The following HS3ST5 variants were observed in gnomAD, a reference collection of about 807,000 sequenced individuals.
HS3ST5 encodes heparan sulfate glucosamine 3-O-sulfotransferase 5.
A neutral mutation model predicts 25.4 loss-of-function variants in HS3ST5; 10 were observed. The observed-to-expected ratio is 0.39, with a 90% confidence interval of 0.24 to 0.67. The LOEUF is 0.67. Among genes scored for constraint, HS3ST5 ranks in the 30% least tolerant of loss-of-function variants. The probability of loss-of-function intolerance (pLI) is 0.44; values close to 1 mark genes in which losing one functional copy is unlikely to be tolerated. For missense variants in HS3ST5, 324 were observed against 420.7 expected, an observed-to-expected ratio of 0.77 and a Z score of 2.01; for synonymous variants, 170 against 162.4, an observed-to-expected ratio of 1.05 and a Z score of -0.36.
rs748104482 is a variant in HS3ST5, at chr6:114,190,491, TA to T, written c.-144-22030del. Among the ~76,000 whole-genome samples the T allele has an allele frequency of 2.0e-4, 30 of 152,278 alleles. No homozygotes were observed. The East Asian group carries it at 3.5e-3, about 18-fold the overall frequency. On this transcript the variant is annotated intron_variant, in intron 2 of 4. Coordinates refer to ENST00000312719, the MANE Select transcript of HS3ST5 (RefSeq NM_153612.4). ...TACATGTGTGTGCCTTTTAAAAAAA[TA>T]AACCCTTTAAAAGTCATTTCACTGG...
chr6:114,199,702 T>G, intron 2 of HS3ST5, among the ~76,000 whole-genome samples: 1 of 152,322 alleles, frequency 6.6e-6, no homozygotes, highest in South Asian at 2.1e-4. Context: ...AAATAATAAA[T>G]ACTTCTTTTT....
intron 4 of HS3ST5, among the ~76,000 whole-genome samples, 166 bp from the exon 5 acceptor site, chr6:114,058,356 G>T (rs1275049025): frequency 6.6e-6 from 1 of 152,226 alleles, no homozygotes; most frequent in Non-Finnish European, 1.5e-5. Flanking sequence ...AAGCAACCAT[G>T]TATTAAATGG....
At chr6:114,121,633 C>G (rs1776790818) in intron 3 of HS3ST5, among the ~76,000 whole-genome samples, 1 of 151,884 alleles carries the variant, frequency 6.6e-6, no homozygotes. Flanking sequence ...CACTTAATCA[C>G]ATGTTAAAAG....
At chr6:114,315,346 A>G (rs1775704201) in intron 1 of HS3ST5, among the ~76,000 whole-genome samples, 1 of 152,160 alleles carries the variant, frequency 6.6e-6, no homozygotes, top group Non-Finnish European at 1.5e-5. Flanking sequence ...ATATATTTTC[A>G]GTCTTCTGCC....
intron 2 of HS3ST5, chr6:114,178,614 TC>T (rs1260511962): frequency 2.6e-5 from 4 of 152,176 alleles, no homozygotes; most frequent in Non-Finnish European, 1.5e-5. Flanking sequence ...AAGTTTTAAT[TC>T]CCCAAAGTGT....
intron 3 of HS3ST5, among the ~76,000 whole-genome samples, chr6:114,129,992 C>T (rs1777248712): frequency 6.6e-6 from 1 of 152,136 alleles, no homozygotes; most frequent in Non-Finnish European, 1.5e-5. Flanking sequence ...GTAGTCTACA[C>T]CTTCATCTAG....
intron 1 of HS3ST5, among the ~76,000 whole-genome samples, chr6:114,240,445 A>C (rs1021639172): frequency 6.6e-6 from 1 of 152,212 alleles, no homozygotes; most frequent in African/African-American, 2.4e-5. Flanking sequence ...TGTCAGATGT[A>C]GTATGTGAAA....
intron 1 of HS3ST5, among the ~76,000 whole-genome samples, chr6:114,267,839 AAT>A (rs1773474617): frequency 6.6e-6 from 1 of 152,172 alleles, no homozygotes; most frequent in Non-Finnish European, 1.5e-5. Flanking sequence ...AGTTTCAGAA[AAT>A]ATAGACTTCT....
At chr6:114,184,458 A>G (rs1487674646) in intron 2 of HS3ST5, among the ~76,000 whole-genome samples, 4 of 152,278 alleles carry the variant, frequency 2.6e-5, no homozygotes, top group Non-Finnish European at 4.4e-5. Context: ...CTACCCCAGC[A>G]AAGCAACTGC....
intron 2 of HS3ST5, among the ~76,000 whole-genome samples, chr6:114,208,785 C>T (rs1172379064): frequency 6.6e-6 from 1 of 152,122 alleles, no homozygotes; most frequent in Admixed American, 6.5e-5. Context: ...TTTGAGAAGG[C>T]GATGATAATG....
chr6:114,251,742 T>G (rs915346170), intron 1 of HS3ST5: 2 of 152,210 alleles, frequency 1.3e-5, no homozygotes, highest in Non-Finnish European at 2.9e-5. Flanking sequence ...CCCCAGGAGC[T>G]GCTGATGGTT....
intron 1 of HS3ST5, among the ~76,000 whole-genome samples, chr6:114,285,151 T>C (rs1774282864): frequency 6.6e-6 from 1 of 152,012 alleles, no homozygotes; most frequent in Non-Finnish European, 1.5e-5. Context: ...ATAGCCAAAA[T>C]GTGGAAATTA....
chr6:114,168,195 A>G (rs1779307004), intron 3 of HS3ST5, among the ~76,000 whole-genome samples, 156 bp downstream of exon 3: 1 of 152,216 alleles, frequency 6.6e-6, no homozygotes, highest in African/African-American at 2.4e-5. Context: ...ACAGTGTTTT[A>G]GAAGCTCAAG....
At chr6:114,180,455 G>C (rs1779922862) in intron 2 of HS3ST5, among the ~76,000 whole-genome samples, 1 of 151,970 alleles carries the variant, frequency 6.6e-6, no homozygotes, top group South Asian at 2.1e-4. Flanking sequence ...TTCTGATGAG[G>C]GCCCTCTTCC....
chr6:114,195,694 T>A (rs1310279486), intron 2 of HS3ST5, among the ~76,000 whole-genome samples: 1 of 152,142 alleles, frequency 6.6e-6, no homozygotes, highest in African/African-American at 2.4e-5. Flanking sequence ...ATAGAATTTA[T>A]AGGTGTATGT....
chr6:114,131,513 A>T (rs923359565), intron 3 of HS3ST5, among the ~76,000 whole-genome samples: 5 of 152,240 alleles, frequency 3.3e-5, no homozygotes, highest in Admixed American at 1.3e-4. Flanking sequence ...AATATGCCAT[A>T]TAGAGAAAAA....
chr6:114,128,274 T>C (rs1027383792), intron 3 of HS3ST5, among the ~76,000 whole-genome samples: 1 of 152,246 alleles, frequency 6.6e-6, no homozygotes, highest in African/African-American at 2.4e-5. Context: ...TTTTGTTCCA[T>C]GTTCTGATTA....
intron 2 of HS3ST5, among the ~76,000 whole-genome samples, chr6:114,197,393 T>C (rs1270585367): frequency 6.6e-6 from 1 of 152,162 alleles, no homozygotes; most frequent in Non-Finnish European, 1.5e-5. Context: ...TAAAACGTTT[T>C]CCAACTATTC....
intron 3 of HS3ST5, among the ~76,000 whole-genome samples, chr6:114,081,775 C>T (rs1774463118): frequency 6.6e-6 from 1 of 152,120 alleles, no homozygotes; most frequent in African/African-American, 2.4e-5. Flanking sequence ...ATTTTTATTG[C>T]TGTTTTAGAT....
Sources: allele counts gnomAD v4.1 joint callset (sites outside exome capture counted in the v4.1 genomes callset), GRCh38; gene constraint gnomAD v4.1.1; transcripts MANE v1.5; gene names NCBI Gene and HGNC (gene_info 2026-07-23, HGNC 2026-07-21).